TRAPPC8: variants seen among roughly 807,000 people sequenced by gnomAD.
TRAPPC8 encodes the protein general sporulation gene 1 homolog.
Under a neutral mutation model 174.3 loss-of-function variants are expected in TRAPPC8, and 54 were observed. The ratio of observed to expected loss-of-function variants is 0.31; its 90% CI spans 0.25 to 0.39. TRAPPC8 has a LOEUF of 0.39. TRAPPC8 is among the 10% of genes least tolerant of loss of function. The probability of loss-of-function intolerance (pLI) is 1.00; values close to 1 mark genes in which losing one functional copy is unlikely to be tolerated. For synonymous variants in TRAPPC8, 630 were observed against 579.9 expected (o/e 1.09, Z -1.24); for missense variants, 1,531 against 1,699.1 (o/e 0.90, Z 1.74).
At chr18:31,940,357 C>T (rs112693330) in intron 1 of TRAPPC8, among the ~76,000 whole-genome samples, 2 of 151,504 alleles carry the variant, frequency 1.3e-5, no homozygotes, top group African/African-American at 4.8e-5. Flanking sequence ...CCCAGCTACT[C>T]GGGAGGCTGA....
rs770750672 is a variant in TRAPPC8 at position 31,855,756 on chromosome 18, A to G, written c.3240T>C (p.Asn1080=). 2 of 1,609,894 alleles carry G rather than the reference A, an allele frequency of 1.2e-6. No homozygotes were observed. Among genetic ancestry groups the G allele is most frequent in the East Asian group, 2.2e-5 (1 of 44,780 alleles). ...TAIICTSRSL[N]VRATVCRSNS... ...TACTTCTGCAGACAGTGGCCCGTAC[A>G]TTTAAAGACCGACTGGTACAAATAA... Residue 1080 remains asparagine, a synonymous_variant, in exon 21 of 29, where the codon AAT becomes AAC. Transcript: ENST00000283351.
intron 12 of TRAPPC8, among the ~76,000 whole-genome samples, chr18:31,879,837 C>A (rs556839347): frequency 3.5e-4 from 53 of 151,322 alleles, no homozygotes; most frequent in Non-Finnish European, 6.9e-4. Flanking sequence ...TACTATGAAC[C>A]TCTATGCACA....
intron 27 of TRAPPC8, chr18:31,833,241 T>C (rs2032483829): frequency 6.6e-6 from 1 of 152,218 alleles, no homozygotes; most frequent in Non-Finnish European, 1.5e-5. Flanking sequence ...GCTATTCTGT[T>C]CCCATTTGAT....
chr18:31,832,873 T>A (rs754524401), intron 27 of TRAPPC8, among the ~76,000 whole-genome samples: 2 of 152,176 alleles, frequency 1.3e-5, no homozygotes. Flanking sequence ...TTTTACTCTA[T>A]AAACACAAAG....
At chr18:31,908,634 G>T in intron 7 of TRAPPC8, 120 bp downstream of exon 7, 1 of 1,110,176 alleles carries the variant, frequency 9.0e-7, no homozygotes, top group Non-Finnish European at 1.2e-6. Context: ...ATTTTGGGAA[G>T]TCTTAATATT....
intron 26 of TRAPPC8, among the ~76,000 whole-genome samples, chr18:31,839,953 C>T (rs2032997927): frequency 6.6e-6 from 1 of 152,150 alleles, no homozygotes; most frequent in South Asian, 2.1e-4. Context: ...ATAATCTATA[C>T]TATAATGTGC....
intron 12 of TRAPPC8, among the ~76,000 whole-genome samples, chr18:31,880,464 T>C (rs1398697685): frequency 6.6e-6 from 1 of 151,892 alleles, no homozygotes; most frequent in African/African-American, 2.4e-5. Context: ...TGATAAAAGC[T>C]CTTAACAAAC....
At chr18:31,939,845 G>C (rs559335247) in intron 1 of TRAPPC8, 5 of 152,156 alleles carry the variant, frequency 3.3e-5, no homozygotes, top group African/African-American at 1.2e-4. Context: ...CCCTCCCAGC[G>C]TGGGTAACAG....
intron 2 of TRAPPC8, 152 bp from the exon 3 acceptor site, chr18:31,917,819 G>T: frequency 1.5e-6 from 1 of 659,418 alleles, no homozygotes. Flanking sequence ...ATGTACATGT[G>T]TGTATATATA....
Position 31,854,149 on chromosome 18 carries a change from G to T in TRAPPC8, c.3337-204C>A, listed in dbSNP as rs1396013749. 6.6e-5 allele frequency among the ~76,000 whole-genome samples: 10 copies of T among 152,084 alleles called. No homozygotes were observed. The East Asian group carries it at 1.7e-3, about 26-fold the overall frequency. Reference sequence around the variant, plus strand: ...AACATTTTGTCCAAGAAGTATTTTTGACTATAATGCATACTCAATGGTAAA... The same window carrying T: ...AACATTTTGTCCAAGAAGTATTTTTTACTATAATGCATACTCAATGGTAAA... On this transcript the variant is annotated intron_variant, in intron 21 of 28. Coordinates refer to ENST00000283351, the MANE Select transcript of TRAPPC8 (RefSeq NM_014939.5).
intron 19 of TRAPPC8, among the ~76,000 whole-genome samples, chr18:31,859,938 C>G (rs1230744520): frequency 6.6e-6 from 1 of 151,932 alleles, no homozygotes; most frequent in Non-Finnish European, 1.5e-5. Context: ...ATTGCTTGAA[C>G]CTGGGAGGCA....
intron 22 of TRAPPC8, among the ~76,000 whole-genome samples, chr18:31,853,095 T>C (rs1256632487): frequency 6.6e-6 from 1 of 152,192 alleles, no homozygotes; most frequent in Non-Finnish European, 1.5e-5. Context: ...AATGGTACTT[T>C]AAGTAATTTC....
At chr18:31,865,796 T>A (rs991864977) in intron 18 of TRAPPC8, among the ~76,000 whole-genome samples, 1 of 151,188 alleles carries the variant, frequency 6.6e-6, no homozygotes, top group Admixed American at 6.6e-5. Flanking sequence ...TTAGCATTTT[T>A]AAATTATAAA....
In TRAPPC8 at chr18:31,856,276, T is replaced by C. The variant is rs958630368; in HGVS notation, c.3189-469A>G. On this transcript the variant is annotated intron_variant, in intron 20 of 28. Coordinates refer to ENST00000283351, the MANE Select transcript of TRAPPC8 (RefSeq NM_014939.5). The stretch of plus-strand genomic sequence containing the variant: ...ATGTACCACCACACCCTATAATTTT[T>C]GTATTTTTAGTAGAGATGGGGTTTC... Among the ~76,000 whole-genome samples, 9 of 152,262 alleles carry C rather than the reference T, an allele frequency of 5.9e-5. No individual in the cohort carries two copies. The South Asian group carries it at 8.3e-4, about 14-fold the overall frequency.
intron 19 of TRAPPC8, 45 bp from the exon 20 acceptor site, chr18:31,858,027 T>C: frequency 6.6e-7 from 1 of 1,511,434 alleles, no homozygotes; most frequent in Non-Finnish European, 8.9e-7. Flanking sequence ...GTTAAAAATT[T>C]TGAACCTCTA....
chr18:31,879,409 T>A (rs959262160), intron 12 of TRAPPC8, among the ~76,000 whole-genome samples: 5 of 152,068 alleles, frequency 3.3e-5, no homozygotes, highest in Non-Finnish European at 5.9e-5. Context: ...GGCAGAAATT[T>A]AAAAAAATTT....
rs755181174 is a variant in TRAPPC8 at position 31,918,127 on chromosome 18, AAAT to A, written c.353-463_353-461del. Among the ~76,000 whole-genome samples, 8 of 151,924 alleles carry A rather than the reference AAAT, an allele frequency of 5.3e-5. No homozygotes were observed. The South Asian group carries it at 6.2e-4, about 12-fold the overall frequency. ...GGTGACAGAATGAGACTCCGTCTCAAAATAATAATAATAATAATAAACTGAGTA... is the reference window on the plus strand; with the variant it reads ...GGTGACAGAATGAGACTCCGTCTCAAAATAATAATAATAATAAACTGAGTA... On this transcript the variant is annotated intron_variant, in intron 2 of 28. Coordinates refer to ENST00000283351, the MANE Select transcript of TRAPPC8 (RefSeq NM_014939.5).
intron 2 of TRAPPC8, among the ~76,000 whole-genome samples, chr18:31,926,796 CAGTGAAGA>C (rs1330575038): frequency 3.3e-5 from 5 of 152,058 alleles, no homozygotes; most frequent in Non-Finnish European, 7.3e-5. Flanking sequence ...ATTGGCTAAG[CAGTGAAGA>C]AGTGAATGAC....
intron 17 of TRAPPC8, 60 bp from the exon 18 acceptor site, chr18:31,867,035 C>T: frequency 6.4e-7 from 1 of 1,553,420 alleles, no homozygotes; most frequent in Non-Finnish European, 8.7e-7. Flanking sequence ...TAGCACAATA[C>T]CTAATTCTAT....
Sources: gnomAD v4.1 joint callset for allele counts (sites outside exome capture counted in the v4.1 genomes callset) on GRCh38, gnomAD v4.1.1 for gene constraint, MANE v1.5 for transcripts, NCBI Gene and HGNC (gene_info 2026-07-23, HGNC 2026-07-21) for gene names.